Variants in LYPLAL1 observed in about 807,000 individuals in gnomAD.
The protein encoded by LYPLAL1 is lysophospholipase-like protein 1.
In LYPLAL1, 23 loss-of-function variants were observed where a neutral mutation model predicts 19.7. The observed-to-expected ratio is 1.17, with a 90% CI of 0.84 to 1.65. LYPLAL1 has a LOEUF of 1.65. Among genes scored for constraint, LYPLAL1 ranks in the 40% most tolerant of loss-of-function variants. The probability of loss-of-function intolerance (pLI) is 0.00; values close to 1 mark genes in which losing one functional copy is unlikely to be tolerated. For synonymous variants in LYPLAL1, 119 were observed against 96.3 expected, an observed-to-expected ratio of 1.24 and a Z score of -1.38; for missense variants, 355 against 279.4, an observed-to-expected ratio of 1.27 and a Z score of -1.93.
chr1:219,418,728 A>G, the LYPLAL1 span, among the ~76,000 whole-genome samples: 3 of 152,210 alleles, frequency 2.0e-5, no homozygotes, highest in East Asian at 1.9e-4. Flanking sequence ...GTTTAATGCC[A>G]TGCATCTATC....
chr1:219,224,519 C>T, the LYPLAL1 span, among the ~76,000 whole-genome samples: 5 of 152,132 alleles, frequency 3.3e-5, no homozygotes, highest in African/African-American at 1.2e-4. Context: ...AAACAGAGAT[C>T]CAAAGAACAG....
chr1:219,206,759 C>T (rs1328093304), intron 3 of LYPLAL1, among the ~76,000 whole-genome samples: 3 of 149,318 alleles, frequency 2.0e-5, no homozygotes, highest in Non-Finnish European at 4.5e-5. Context: ...TCAAAAGTCT[C>T]TGAAACTACA....
the LYPLAL1 span, among the ~76,000 whole-genome samples, chr1:219,251,946 G>C: frequency 6.6e-6 from 1 of 151,846 alleles, no homozygotes; most frequent in Non-Finnish European, 1.5e-5. Flanking sequence ...TGTCTTTTCT[G>C]ATTTCTTTGA....
At chr1:219,228,175 G>GT in the LYPLAL1 span, among the ~76,000 whole-genome samples, 3 of 152,102 alleles carry the variant, frequency 2.0e-5, no homozygotes, top group Non-Finnish European at 2.9e-5. Context: ...AAAGGGTCCC[G>GT]TAAGACCAAC....
chr1:219,300,366 C>T, the LYPLAL1 span, among the ~76,000 whole-genome samples: 14 of 151,838 alleles, frequency 9.2e-5, no homozygotes, highest in African/African-American at 3.4e-4. Flanking sequence ...CATGAAGAAG[C>T]ATGATTGTCT....
the LYPLAL1 span, among the ~76,000 whole-genome samples, chr1:219,421,516 T>A: frequency 6.6e-6 from 1 of 152,210 alleles, no homozygotes; most frequent in African/African-American, 2.4e-5. Context: ...ATATTTTTAC[T>A]GTTGAAAGTG....
At chr1:219,439,032 T>A in the LYPLAL1 span, among the ~76,000 whole-genome samples, 1 of 152,186 alleles carries the variant, frequency 6.6e-6, no homozygotes, top group Admixed American at 6.6e-5. Context: ...ACTTTATTTC[T>A]CTTTGCTCTC....
chr1:219,420,966 A>G, the LYPLAL1 span, among the ~76,000 whole-genome samples: 1 of 152,212 alleles, frequency 6.6e-6, no homozygotes, highest in Non-Finnish European at 1.5e-5. Flanking sequence ...TTGGAAATAT[A>G]TCAGTTATTT....
At chr1:219,217,762 C>G (rs1659346443), downstream of LYPLAL1, among the ~76,000 whole-genome samples, 1 of 152,072 alleles carries the variant, frequency 6.6e-6, no homozygotes, top group Admixed American at 6.6e-5. Flanking sequence ...TCTCTTCATG[C>G]CCCCTACCCC....
rs1393127455 is a variant in LYPLAL1, at chr1:219,173,886, C to A, written c.-5C>A. 1 of 1,611,970 alleles carries A rather than the reference C, an allele frequency of 6.2e-7. No individual in the cohort carries two copies. On this transcript the variant is annotated 5_prime_UTR_variant, in exon 1 of 5. Coordinates refer to ENST00000366928, the MANE Select transcript of LYPLAL1 (RefSeq NM_138794.5). ...GGAACCGCATGACTGGCAGTGGCAT[C>A]AGCGATGGCGGCTGCGTCGGGGTCG...
the LYPLAL1 span, among the ~76,000 whole-genome samples, chr1:219,364,428 C>A: frequency 6.6e-6 from 1 of 152,010 alleles, no homozygotes; most frequent in African/African-American, 2.4e-5. Flanking sequence ...CTTGAGTTTC[C>A]ATAGCTGGCT....
chr1:219,183,675 C>T (rs899576115), intron 2 of LYPLAL1, among the ~76,000 whole-genome samples: 1 of 151,942 alleles, frequency 6.6e-6, no homozygotes, highest in South Asian at 2.1e-4. Flanking sequence ...AATTGAGTCA[C>T]TTAATGAGTG....
At chr1:219,263,799 G>C in the LYPLAL1 span, among the ~76,000 whole-genome samples, 1 of 152,140 alleles carries the variant, frequency 6.6e-6, no homozygotes, top group Admixed American at 6.5e-5. Flanking sequence ...TCATGACCTG[G>C]ATTTTCAGAT....
At chr1:219,300,649 C>T in the LYPLAL1 span, among the ~76,000 whole-genome samples, 3 of 150,612 alleles carry the variant, frequency 2.0e-5, no homozygotes, top group Middle Eastern at 3.2e-3. Context: ...ATTCTCCTGC[C>T]TCAGCCTCCT....
At chr1:219,254,995 A>G in the LYPLAL1 span, among the ~76,000 whole-genome samples, 1 of 151,716 alleles carries the variant, frequency 6.6e-6, no homozygotes, top group Non-Finnish European at 1.5e-5. Context: ...TTGTCTGACT[A>G]TCTTATTTCA....
the LYPLAL1 span, among the ~76,000 whole-genome samples, chr1:219,286,419 C>T: frequency 6.6e-6 from 1 of 152,110 alleles, no homozygotes; most frequent in African/African-American, 2.4e-5. Context: ...TGAAAACAAG[C>T]ACAATTTCAT....
intron 3 of LYPLAL1, among the ~76,000 whole-genome samples, chr1:219,202,130 ATATT>A: frequency 6.6e-6 from 1 of 152,328 alleles, no homozygotes; most frequent in South Asian, 2.1e-4. Flanking sequence ...TTCTAATCCT[ATATT>A]CCTCACTTTG....
At chr1:219,257,658 T>C in the LYPLAL1 span, among the ~76,000 whole-genome samples, 146,363 of 152,070 alleles carry the variant, frequency 0.96, 70,692 homozygotes, top group South Asian at 1. Context: ...CAATAAAGAT[T>C]GCAAGGCAAA....
chr1:219,319,475 A>C, the LYPLAL1 span, among the ~76,000 whole-genome samples: 3 of 152,236 alleles, frequency 2.0e-5, no homozygotes, highest in East Asian at 5.8e-4. Context: ...ATGCCCCCAA[A>C]ATCCCCTAGA....
Sources: gnomAD v4.1 joint callset for allele counts (sites outside exome capture counted in the v4.1 genomes callset) on GRCh38, gnomAD v4.1.1 for gene constraint, MANE v1.5 for transcripts, NCBI Gene and HGNC (gene_info 2026-07-23, HGNC 2026-07-21) for gene names.